Variants in CEP164 observed in about 807,000 individuals in gnomAD.
CEP164 encodes centrosomal protein of 164 kDa.
CEP164 carries 162 observed loss-of-function variants against 182.7 expected under a neutral mutation model. The observed-to-expected ratio is 0.89, with a 90% CI of 0.78 to 1.01. The LOEUF is 1.01. Ranked by LOEUF, CEP164 falls within the 50% of genes least tolerant of loss-of-function variation. The pLI is 0.00. For missense variants in CEP164, 1,735 were observed against 1,790.4 expected (o/e 0.97, Z 0.56); for synonymous variants, 661 against 690.0 (o/e 0.96, Z 0.66).
intron 4 of CEP164, 34 bp from the exon 5 acceptor site, chr11:117,351,756 C>A (rs2039663494): frequency 1.9e-6 from 3 of 1,570,196 alleles, no homozygotes; most frequent in South Asian, 1.1e-5. Flanking sequence ...TGTATCTGAG[C>A]AGGGACTAAC....
Position 117,384,002 on chromosome 11 carries a change from T to C in CEP164, c.1724+1060T>C, listed in dbSNP as rs555100196. ...AGTGAGCCGAGATCGTGCCACTGTATTCCAGCCTGGGCAACAAGAGCGAAA... is the reference window on the plus strand; with the variant it reads ...AGTGAGCCGAGATCGTGCCACTGTACTCCAGCCTGGGCAACAAGAGCGAAA... On this transcript the variant is annotated intron_variant, in intron 14 of 32. Transcript: ENST00000278935. 9.3e-4 allele frequency among the ~76,000 whole-genome samples: 142 copies of C among 152,272 alleles called. 2 individuals carry two copies. Among genetic ancestry groups the C allele is most frequent in the African/African-American group, 3.2e-3 (134 of 41,570 alleles).
chr11:117,321,870 G>GTTT (rs59641024), intron 1 of CEP164, among the ~76,000 whole-genome samples: 6 of 150,142 alleles, frequency 4.0e-5, no homozygotes, highest in African/African-American at 2.5e-5. Context: ...AAATTTTTGG[G>GTTT]TTTTTTTTTA....
chr11:117,411,855 C>A lies in CEP164; in HGVS notation c.4224C>A (p.Thr1408=). ...HSQVPEAGST[T]FQGIIEANRR... is the part of the protein sequence containing the mutation. ...AAGTCCCTGAGGCGGGCAGCACCAC[C>A]TTTCAGGGCATAATTGAGGCCAACC... Residue 1408 remains threonine, a synonymous_variant, in exon 32 of 33, where the codon ACC becomes ACA. Coordinates refer to ENST00000278935, the MANE Select transcript of CEP164 (RefSeq NM_014956.5). This position sits in a 1 kb window ranked among gnomAD's most constrained non-coding sequence, Gnocchi z 4.4. The A allele has an allele frequency of 6.2e-7, 1 of 1,614,166 alleles. No homozygotes were observed. The highest frequency in any genetic ancestry group is 8.5e-7 in the Non-Finnish European group (1 of 1,180,034).
intron 7 of CEP164, 107 bp downstream of exon 7, chr11:117,362,645 C>T: frequency 1.5e-6 from 2 of 1,299,470 alleles, no homozygotes; most frequent in East Asian, 2.4e-5. Flanking sequence ...AAAATTTGCC[C>T]TTTTAACCAT....
chr11:117,331,529 A>G (rs574521044), intron 1 of CEP164, among the ~76,000 whole-genome samples: 1 of 152,186 alleles, frequency 6.6e-6, no homozygotes, highest in East Asian at 1.9e-4. Context: ...AATTATACAC[A>G]TGCAGTTATT....
At position 117,335,579 on chromosome 11, in the gene CEP164, CT is replaced by C. The variant is rs34483283; in HGVS notation, c.-97-8del. The C allele has an allele frequency of 5.8e-3, 657 of 114,126 alleles. 1 individual carries two copies. The highest frequency in any genetic ancestry group is 0.01 in the Middle Eastern group (2 of 196). The allele number at this position is 114,126 out of a possible 1,614,324, so 7.1% of individuals were successfully genotyped here. ...ATTTCCTTTCTAGGCCAGATCTTGA[CT>C]TTTTTTTTTTTTTTTTTCAACCAGG... On this transcript the variant is annotated intron_variant, in intron 1 of 32. Transcript: ENST00000278935.
chr11:117,410,774 G>A, intron 30 of CEP164, 54 bp from the exon 31 acceptor site: 1 of 1,492,102 alleles, frequency 6.7e-7, no homozygotes, highest in South Asian at 1.2e-5. Context: ...AGGTGCTGGT[G>A]GGCAGGGTGG....
rs1185563826 is a variant in CEP164 at position 117,397,236 on chromosome 11, C to T, written c.3424C>T (p.Leu1142=). 7 of 1,614,240 alleles carry T rather than the reference C, an allele frequency of 4.3e-6. No individual in the cohort carries two copies. The highest frequency in any genetic ancestry group is 5.9e-6 in the Non-Finnish European group (7 of 1,180,046). The part of the protein sequence containing the change: ...KAAQQHWRHE[L]ASAQEVAKDP... ...TGCCCAGCAGCATTGGCGCCATGAG[C>T]TGGCCAGTGCGCAGGAGGTGGCCAA... The change falls in exon 27 of 33, where the codon CTG becomes TTG. Residue 1142 remains leucine, a synonymous_variant. Coordinates refer to ENST00000278935, the MANE Select transcript of CEP164 (RefSeq NM_014956.5).
intron 30 of CEP164, 89 bp from the exon 31 acceptor site, chr11:117,410,739 T>G: frequency 2.8e-6 from 3 of 1,055,160 alleles, no homozygotes; most frequent in Non-Finnish European, 4.3e-6. Flanking sequence ...GCTTTTCCTT[T>G]TATTGTTTAT....
intron 5 of CEP164, chr11:117,356,117 A>G (rs2040265372): frequency 2.9e-6 from 3 of 1,050,890 alleles, no homozygotes; most frequent in Admixed American, 4.5e-5. Flanking sequence ...TGAGGAGGGT[A>G]TGGCTCAGTC....
intron 3 of CEP164, 54 bp from the exon 4 acceptor site, chr11:117,344,112 G>GT: frequency 2.0e-6 from 2 of 1,020,666 alleles, no homozygotes; most frequent in Admixed American, 2.5e-5. Context: ...AAGATTGTGA[G>GT]TTTTTTTCTT....
At chr11:117,355,230 T>G (rs1565465635) in intron 5 of CEP164, 1 of 1,289,724 alleles carries the variant, frequency 7.8e-7, no homozygotes, top group East Asian at 5.6e-5. Flanking sequence ...AGGAGAGAAT[T>G]AGGTGATCAG....
At chr11:117,329,604 C>T (rs1347353251) in intron 1 of CEP164, among the ~76,000 whole-genome samples, 11 of 152,100 alleles carry the variant, frequency 7.2e-5, no homozygotes, top group African/African-American at 2.2e-4. Context: ...TGCAGTGGTG[C>T]GATCTTGGCT....
chr11:117,342,445 G>T (rs2038257598), intron 3 of CEP164, among the ~76,000 whole-genome samples: 1 of 151,868 alleles, frequency 6.6e-6, no homozygotes, highest in African/African-American at 2.4e-5. Context: ...TGTTCCAACG[G>T]TTATGTCATT....
Position 117,382,949 on chromosome 11 carries a change from G to A in CEP164, c.1724+7G>A, listed in dbSNP as rs746406569. On this transcript the variant is annotated splice_region_variant and intron_variant, in intron 14 of 32. Transcript: ENST00000278935. ...CGCCAGTCTCTCCAGAGGTGTAAGGGCCAGTTTTGTGTGTCTGTCCCTGAC... is the reference window on the plus strand; with the variant it reads ...CGCCAGTCTCTCCAGAGGTGTAAGGACCAGTTTTGTGTGTCTGTCCCTGAC... 6.2e-7 allele frequency: 1 copy of A among 1,611,616 alleles called. No individual in the cohort carries two copies. Among genetic ancestry groups the A allele is most frequent in the South Asian group, 1.1e-5 (1 of 90,924 alleles).
At chr11:117,335,460 G>C (rs1346867896) in intron 1 of CEP164, 145 bp from the exon 2 acceptor site, 1 of 152,196 alleles carries the variant, frequency 6.6e-6, no homozygotes, top group African/African-American at 2.4e-5. Flanking sequence ...TGGTACAGAG[G>C]GGGGCCATAG....
chr11:117,382,412 C>T (rs1180098215), intron 13 of CEP164, among the ~76,000 whole-genome samples: 1 of 152,150 alleles, frequency 6.6e-6, no homozygotes, highest in African/African-American at 2.4e-5. Context: ...TAGTCAAGAG[C>T]GTGGTGGACA....
intron 25 of CEP164, 23 bp from the exon 26 acceptor site, chr11:117,396,527 A>G (rs1834449779): frequency 6.2e-7 from 1 of 1,606,298 alleles, no homozygotes; most frequent in South Asian, 1.1e-5. Flanking sequence ...CACTCAGTGG[A>G]CTTTTCTACC....
chr11:117,379,852 CTTTTTT>C lies in CEP164; in HGVS notation c.1318-744_1318-739del, dbSNP rs58534321. Among the ~76,000 whole-genome samples, 48 of 116,918 alleles carry C rather than the reference CTTTTTT, an allele frequency of 4.1e-4. No homozygotes were observed. In the East Asian group the frequency reaches 9.3e-3, roughly 23 times the overall value. The allele number at this position is 116,918 out of a possible 152,430, so 76.7% of individuals were successfully genotyped here. A position where few individuals can be genotyped will look rare whatever the true frequency, so the allele number is the denominator to read the frequency against. ...ACCTTGCCTCAAAGAATAGTTCTTC[CTTTTTT>C]TTTTTTTTTTTTTTTTTAAACCAAC... is the stretch of plus-strand genomic sequence containing the variant. On this transcript the variant is annotated intron_variant, in intron 11 of 32. Transcript: ENST00000278935.
Sources: gnomAD v4.1 joint callset for allele counts (sites outside exome capture counted in the v4.1 genomes callset) on GRCh38, gnomAD v4.1.1 for gene constraint, Gnocchi (gnomAD v3.1) non-coding constraint, MANE v1.5 for transcripts, NCBI Gene and HGNC (gene_info 2026-07-23, HGNC 2026-07-21) for gene names.